NOP2: variants seen among roughly 807,000 people sequenced by gnomAD.
The protein encoded by NOP2 is NOP2 nucleolar protein, also known as 28S rRNA (cytosine(4447)-C(5))-methyltransferase.
A neutral mutation model predicts 72.7 loss-of-function variants in NOP2; 7 were observed. The ratio of observed to expected loss-of-function variants is 0.10; its 90% CI spans 0.05 to 0.18. The LOEUF is 0.18. Ranked by LOEUF, NOP2 falls within the 10% of genes least tolerant of loss-of-function variation. NOP2 has a pLI of 1.00. For missense variants in NOP2, 954 were observed against 1,014.7 expected, an observed-to-expected ratio of 0.94 and a Z score of 0.81; for synonymous variants, 387 against 388.0, an observed-to-expected ratio of 1.00 and a Z score of 0.03.
chr12:6,563,482 T>G lies in NOP2; in HGVS notation c.721A>C (p.Lys241Gln), dbSNP rs1947701259. ...ATTCCCACAATATCCTGGATCCGCTTGTGAACTCGTTGCAGGTCTGGAGCC... is the reference window on the plus strand; with the variant it reads ...ATTCCCACAATATCCTGGATCCGCTGGTGAACTCGTTGCAGGTCTGGAGCC... ...AQAPDLQRVHKRIQDIVGILR... is the reference protein window; with the variant it reads ...AQAPDLQRVHQRIQDIVGILR... The change falls in exon 8 of 16, where the codon AAG becomes CAG. Residue 241 changes from lysine to glutamine, a missense_variant. By Grantham distance (53) the Lys-to-Gln change is moderately conservative (BLOSUM62 1). Transcript: ENST00000322166. The G allele has an allele frequency of 3.1e-6, 5 of 1,612,540 alleles. No homozygotes were observed. The highest frequency in any genetic ancestry group is 4.2e-6 in the Non-Finnish European group (5 of 1,179,354).
At chr12:6,558,352 A>C (rs1225597729) in intron 15 of NOP2, among the ~76,000 whole-genome samples, 11 of 149,188 alleles carry the variant, frequency 7.4e-5, no homozygotes, top group Non-Finnish European at 1.2e-4. Context: ...GGCTCACTGC[A>C]ACCTCTGCCT....
Position 6,563,883 on chromosome 12 carries a change from A to G in NOP2, c.530+8T>C. 2 of 1,613,766 alleles carry G rather than the reference A, an allele frequency of 1.2e-6. No homozygotes were observed. Among genetic ancestry groups the G allele is most frequent in the Non-Finnish European group, 1.7e-6 (2 of 1,179,814 alleles). ...CTATGCTCCATCCCAATAGCTTCCA[A>G]AACTCACCCAGCAGCAGCTTCCCGG... On this transcript the variant is annotated splice_region_variant and intron_variant, in intron 6 of 15. Coordinates refer to ENST00000322166, the MANE Select transcript of NOP2 (RefSeq NM_001258308.2).
At position 6,560,865 on chromosome 12, in the gene NOP2, A is replaced by C. The variant is rs1409153892; in HGVS notation, c.1347+66T>G. On this transcript the variant is annotated intron_variant, in intron 12 of 15. Transcript: ENST00000322166. The surrounding 1 kb of genome is among the most constrained non-coding windows in gnomAD (Gnocchi z 5.0). ...ATATTTACTAGGGTCGAGTCTAAAC[A>C]TTGAGGTCAGGAAGGGAGAAGGTCA... 1 of 1,610,812 alleles carries C rather than the reference A, an allele frequency of 6.2e-7. No individual in the cohort carries two copies. Among genetic ancestry groups the C allele is most frequent in the South Asian group, 1.1e-5 (1 of 90,648 alleles).
Position 6,561,899 on chromosome 12 carries a change from A to C in NOP2, c.1051T>G (p.Ser351Ala). The C allele has an allele frequency of 6.2e-7, 1 of 1,611,770 alleles. No homozygotes were observed. Residue 351 changes from serine to alanine, a missense_variant, in exon 10 of 16, where the codon TCT (serine) becomes GCT (alanine). Physicochemically the swap from Ser to Ala is moderately conservative, Grantham distance 99. Transcript: ENST00000322166. ...GGAGACTTACCAATGGGCACAGAAG[A>C]ATCATACACCACTAGTCCAGTCTTT... ...WSKTGLVVYD[S>A]SVPIGATPEY...
chr12:6,560,337 G>T lies in NOP2; in HGVS notation c.1561-11C>A. The T allele has an allele frequency of 6.2e-7, 1 of 1,611,700 alleles. No homozygotes were observed. The highest frequency in any genetic ancestry group is 1.1e-5 in the South Asian group (1 of 91,050). On this transcript the variant is annotated splice_polypyrimidine_tract_variant and intron_variant, in intron 14 of 15. Transcript: ENST00000322166. This position sits in a 1 kb window ranked among gnomAD's most constrained non-coding sequence, Gnocchi z 5.0. ...CTCATTCTCTTCTACCTGGATGTGGGGGGAAGACAAAGAACGGAGGAAAAA... is the reference window on the plus strand; with the variant it reads ...CTCATTCTCTTCTACCTGGATGTGGTGGGAAGACAAAGAACGGAGGAAAAA...
rs531928659 is a variant in NOP2, at chr12:6,566,193, G to A, written c.382C>T (p.His128Tyr). The stretch of plus-strand genomic sequence containing the variant: ...TCCTCGGAGCCCCAGAGGTCCCCGT[G>A]GTTCACCATACCATCTTCTTCAGAG... ...EDSEEDGMVN[H>Y]GDLWGSEDDA... The change falls in exon 5 of 16, where the codon CAC (histidine) becomes TAC (tyrosine). Residue 128 changes from histidine to tyrosine, a missense_variant. His to Tyr is a moderately conservative substitution (Grantham distance 83). Coordinates refer to ENST00000322166, the MANE Select transcript of NOP2 (RefSeq NM_001258308.2). 6.2e-7 allele frequency: 1 copy of A among 1,613,982 alleles called. No individual in the cohort carries two copies. The highest frequency in any genetic ancestry group is 1.3e-5 in the African/African-American group (1 of 75,042).
Position 6,557,479 on chromosome 12 carries a change from A to G in NOP2, c.1953T>C (p.Asn651=). The G allele has an allele frequency of 1.2e-6, 2 of 1,613,950 alleles. No homozygotes were observed. Among genetic ancestry groups the G allele is most frequent in the East Asian group, 2.2e-5 (1 of 44,884 alleles). ...CTGAGTCTGCCCCTTTGGAGATGCC[A>G]TTCAGCTTCTGGAAGGAGGCCTTCT... ...HPKKASFQKL[N]GISKGADSEL... is the part of the protein sequence containing the mutation. Residue 651 remains asparagine, a synonymous_variant, in exon 16 of 16, where the codon AAT becomes AAC. Coordinates refer to ENST00000322166, the MANE Select transcript of NOP2 (RefSeq NM_001258308.2).
In NOP2 at chr12:6,564,317, C is replaced by A. The variant is rs1327434467; in HGVS notation, c.475-371G>T. Reference sequence around the variant, plus strand: ...AACCTAAGTAATAAATTAAAGGGTTCATTACATTTTTCTTTCTACTATTAT... The same window carrying A: ...AACCTAAGTAATAAATTAAAGGGTTAATTACATTTTTCTTTCTACTATTAT... On this transcript the variant is annotated intron_variant, in intron 5 of 15. Coordinates refer to ENST00000322166, the MANE Select transcript of NOP2 (RefSeq NM_001258308.2). The A allele has an allele frequency of 1.9e-5, 4 of 205,426 alleles. No individual in the cohort carries two copies. The East Asian group carries it at 5.6e-4, about 29-fold the overall frequency. The allele number at this position is 205,426 out of a possible 1,614,324, so 12.7% of individuals were successfully genotyped here.
intron 5 of NOP2, chr12:6,564,360 T>TAA: frequency 2.9e-5 from 5 of 170,948 alleles, no homozygotes; most frequent in South Asian, 2.0e-4. Flanking sequence ...ACTTTTCCAT[T>TAA]AAGAAAAAAA....
At chr12:6,568,088 C>T in intron 1 of NOP2, 119 bp downstream of exon 1, 1 of 602,850 alleles carries the variant, frequency 1.7e-6, no homozygotes, top group Non-Finnish European at 2.9e-6. Context: ...CCCCGCTATC[C>T]CCCTGGAGGC....
intron 15 of NOP2, 21 bp from the exon 16 acceptor site, chr12:6,557,663 A>C (rs748528986): frequency 5.1e-6 from 8 of 1,582,480 alleles, no homozygotes; most frequent in Non-Finnish European, 6.0e-6. Flanking sequence ...AATTAAACAG[A>C]TGGTGTCAGA....
chr12:6,557,353 C>T lies in NOP2; in HGVS notation c.2079G>A (p.Lys693=). 1.2e-6 allele frequency: 2 copies of T among 1,614,080 alleles called. No individual in the cohort carries two copies. The highest frequency in any genetic ancestry group is 1.7e-6 in the Non-Finnish European group (2 of 1,179,902). The change falls in exon 16 of 16, where the codon AAG becomes AAA. Residue 693 remains lysine (K), a synonymous_variant. Coordinates refer to ENST00000322166, the MANE Select transcript of NOP2 (RefSeq NM_001258308.2). ...AGKAEGIREP[K]VTGKLKQRSP... ...ATCGTTGCTTTAGCTTCCCAGTCAC[C>T]TTTGGCTCCCTGATCCCTTCGGCTT...
rs1186896591 is a variant in NOP2, at chr12:6,558,140, C to CAAAAAAAA, written c.1790-506_1790-499dup. ...TGAGCGACAAAGCAAGACACCGTCT[C>CAAAAAAAA]AAAAAAAAAAAAAAAAAAAAAAAAA... On this transcript the variant is annotated intron_variant, in intron 15 of 15. Coordinates refer to ENST00000322166, the MANE Select transcript of NOP2 (RefSeq NM_001258308.2). 98 of 174,850 alleles carry CAAAAAAAA rather than the reference C, an allele frequency of 5.6e-4. 3 individuals are homozygous for CAAAAAAAA. The East Asian group carries it at 8.4e-3, about 15-fold the overall frequency. The allele number at this position is 174,850 out of a possible 1,614,324, so 10.8% of individuals were successfully genotyped here.
intron 8 of NOP2, 66 bp from the exon 9 acceptor site, chr12:6,563,236 A>G: frequency 6.5e-7 from 1 of 1,548,558 alleles, no homozygotes; most frequent in Non-Finnish European, 8.7e-7. Context: ...GAGGGGAGCA[A>G]GGGGGCCGAA....
At position 6,560,813 on chromosome 12, in the gene NOP2, T is replaced by A; in HGVS notation, c.1348-26A>T. On this transcript the variant is annotated intron_variant, in intron 12 of 15. Coordinates refer to ENST00000322166, the MANE Select transcript of NOP2 (RefSeq NM_001258308.2). This position sits in a 1 kb window ranked among gnomAD's most constrained non-coding sequence, Gnocchi z 5.0. Reference sequence around the variant, plus strand: ...CTGGAGAAAAGATACAGATGAATCATATGTCTCTTCTGCAACCAGCAGGGC... The same window carrying A: ...CTGGAGAAAAGATACAGATGAATCAAATGTCTCTTCTGCAACCAGCAGGGC... 1 of 1,610,244 alleles carries A rather than the reference T, an allele frequency of 6.2e-7. No individual in the cohort carries two copies. The highest frequency in any genetic ancestry group is 8.5e-7 in the Non-Finnish European group (1 of 1,178,114).
In NOP2 at chr12:6,560,493, G is replaced by A. The variant is rs1326819201; in HGVS notation, c.1514C>T (p.Thr505Ile). ...LLSAIDSVNA[T>I]SKTGGYLVYC... ...AACCAGGTAGCCTCCTGTCTTGGAG[G>A]TCGCATTGACAGAGTCAATAGCACT... Residue 505 changes from threonine (T) to isoleucine (I), a missense_variant, in exon 14 of 16, where the codon ACC becomes ATC. Physicochemically the swap from Thr to Ile is moderately conservative, Grantham distance 89 (BLOSUM62 -1). Transcript: ENST00000322166. This position sits in a 1 kb window ranked among gnomAD's most constrained non-coding sequence, Gnocchi z 5.0. 6 of 1,605,626 alleles carry A rather than the reference G, an allele frequency of 3.7e-6. No individual in the cohort carries two copies. The highest frequency in any genetic ancestry group is 3.3e-5 in the South Asian group (3 of 90,704).
intron 7 of NOP2, 22 bp from the exon 8 acceptor site, chr12:6,563,536 G>C (rs1042051792): frequency 1.2e-6 from 2 of 1,611,912 alleles, no homozygotes. Flanking sequence ...AAGGAACTGT[G>C]TCATGATGTC....
In NOP2 at chr12:6,563,618, C is replaced by A; in HGVS notation, c.684G>T (p.Glu228Asp). ...CACTCTGCCCTGCAAGGATATCCTG[C>A]TCCATCTCCCCAGCAGGGGGCAGCA... ...PFVLPPAGEM[E>D]QDAQAPDLQR... Residue 228 changes from glutamate to aspartate, a missense_variant, in exon 7 of 16, where the codon GAG (glutamate) becomes GAT (aspartate). By Grantham distance (45) the Glu-to-Asp change is conservative. This residue lies in a region of NOP2 where 498 missense variants were observed against 478.3 expected (regional missense o/e 1.04). Transcript: ENST00000322166. 1 of 1,610,992 alleles carries A rather than the reference C, an allele frequency of 6.2e-7. No individual in the cohort carries two copies. Among genetic ancestry groups the A allele is most frequent in the Non-Finnish European group, 8.5e-7 (1 of 1,178,312 alleles).
Position 6,560,489 on chromosome 12 carries a change from G to A in NOP2, c.1518C>T (p.Ser506=), listed in dbSNP as rs778451915. The A allele has an allele frequency of 6.2e-7, 1 of 1,605,436 alleles. No individual in the cohort carries two copies. Among genetic ancestry groups the A allele is most frequent in the African/African-American group, 1.3e-5 (1 of 74,354 alleles). ...AGTAAACCAGGTAGCCTCCTGTCTT[G>A]GAGGTCGCATTGACAGAGTCAATAG... ...LSAIDSVNAT[S]KTGGYLVYCT... Residue 506 remains serine (S), a synonymous_variant, in exon 14 of 16, where the codon TCC becomes TCT. Coordinates refer to ENST00000322166, the MANE Select transcript of NOP2 (RefSeq NM_001258308.2). The surrounding 1 kb of genome is among the most constrained non-coding windows in gnomAD (Gnocchi z 5.0).
Sources: gnomAD v4.1 joint callset for allele counts (sites outside exome capture counted in the v4.1 genomes callset) on GRCh38, gnomAD v4.1.1 for gene constraint, gnomAD v4.1.1 regional missense constraint, Gnocchi (gnomAD v3.1) non-coding constraint, MANE v1.5 for transcripts, NCBI Gene and HGNC (gene_info 2026-07-23, HGNC 2026-07-21) for gene names.